The following SGK1 variants were observed in gnomAD, a reference collection of about 807,000 sequenced individuals.
SGK1 encodes serine/threonine-protein kinase Sgk1.
A neutral mutation model predicts 64.2 loss-of-function variants in SGK1; 26 were observed. That is an observed-to-expected ratio of 0.40 (90% CI 0.30 to 0.56). The LOEUF (loss-of-function observed/expected upper bound fraction) is 0.56. Ranked by LOEUF, SGK1 falls within the 20% of genes least tolerant of loss-of-function variation. SGK1 has a pLI of 0.38. For synonymous variants in SGK1, 265 were observed against 239.7 expected (o/e 1.11, Z -0.98); for missense variants, 519 against 645.6 (o/e 0.80, Z 2.12).
At chr6:134,239,922 T>C (rs1182750011) in intron 2 of SGK1, among the ~76,000 whole-genome samples, 1 of 151,940 alleles carries the variant, frequency 6.6e-6, no homozygotes, top group African/African-American at 2.4e-5. Flanking sequence ...AGAGAAATGA[T>C]TGAAGGTCAT....
chr6:134,201,065 CT>C (rs71003673), intron 3 of SGK1, among the ~76,000 whole-genome samples: 66 of 138,558 alleles, frequency 4.8e-4, no homozygotes, highest in Admixed American at 8.0e-4. Context: ...TTCTTTTCTT[CT>C]TTTTTTTTTT....
In SGK1 at chr6:134,207,378, G is replaced by C; in HGVS notation, c.339C>G (p.Thr113=). The C allele has an allele frequency of 2.5e-6, 4 of 1,610,206 alleles. No homozygotes were observed. The highest frequency in any genetic ancestry group is 3.4e-6 in the Non-Finnish European group (4 of 1,176,546). ...ANILTKPDPR[T]FWTNDDPAFM... ...TACCTGGATCATCATTAGTCCAGAA[G>C]GTTCTTGGATCGGGCTTGGTCAGGA... Residue 113 remains threonine, a synonymous_variant, in exon 3 of 14, where the codon ACC becomes ACG. Transcript: ENST00000367858.
chr6:134,311,208 G>A (rs1175830741), intron 1 of SGK1, among the ~76,000 whole-genome samples: 2 of 152,326 alleles, frequency 1.3e-5, no homozygotes, highest in East Asian at 1.9e-4. Flanking sequence ...AAAGGAAGAC[G>A]GAGGAGGAAG....
At chr6:134,204,221 A>AAAAT (rs146311627) in intron 3 of SGK1, among the ~76,000 whole-genome samples, 2,879 of 139,084 alleles carry the variant, frequency 0.021, 30 homozygotes, top group Middle Eastern at 0.036. Flanking sequence ...AACTAGGCAA[A>AAAAT]AAATAAATAA....
In SGK1 at chr6:134,172,065, AT is replaced by A. The variant is rs1235118912; in HGVS notation, c.1071+127del. The A allele has an allele frequency of 5.8e-6, 6 of 1,036,326 alleles. No individual in the cohort carries two copies. In the African/African-American group the frequency reaches 8.0e-5, roughly 14 times the overall value. The allele number at this position is 1,036,326 out of a possible 1,614,324, so 64.2% of individuals were successfully genotyped here. A position where few individuals can be genotyped will look rare whatever the true frequency, so the allele number is the denominator to read the frequency against. On this transcript the variant is annotated intron_variant, in intron 10 of 13. Coordinates refer to ENST00000367858, the MANE Select transcript of SGK1 (RefSeq NM_001143676.3). Reference sequence around the variant, plus strand: ...CTACATCAAACAGCAAATGTATTTTATTTGCACTGAACTGTATTAAGAAGTC... The same window carrying A: ...CTACATCAAACAGCAAATGTATTTTATTGCACTGAACTGTATTAAGAAGTC...
intron 3 of SGK1, among the ~76,000 whole-genome samples, chr6:134,180,851 A>G (rs1002822840): frequency 6.8e-6 from 1 of 147,860 alleles, no homozygotes; most frequent in African/African-American, 2.6e-5. Context: ...TCGCCGGGGC[A>G]ACAAAGTGAG....
chr6:134,255,574 ATTTTTT>A (rs11318242), intron 2 of SGK1, among the ~76,000 whole-genome samples: 2 of 78,846 alleles, frequency 2.5e-5, no homozygotes, highest in East Asian at 3.9e-4. Context: ...AGAGATTTTG[ATTTTTT>A]TTTTTTTTTT....
intron 3 of SGK1, among the ~76,000 whole-genome samples, chr6:134,185,980 G>A (rs1405821944): frequency 6.6e-6 from 1 of 152,106 alleles, no homozygotes; most frequent in Non-Finnish European, 1.5e-5. Context: ...CCCCGCATTA[G>A]TGGGGGCGGG....
At chr6:134,316,410 T>TG (rs1384219887) in intron 1 of SGK1, among the ~76,000 whole-genome samples, 1 of 152,036 alleles carries the variant, frequency 6.6e-6, no homozygotes, top group South Asian at 2.1e-4. Flanking sequence ...TTAAATAGGA[T>TG]GGGGCAACTG....
rs886422668 is a variant in SGK1, at chr6:134,289,505, A to C, written c.70-27357T>G. Among the ~76,000 whole-genome samples, 5 of 152,368 alleles carry C rather than the reference A, an allele frequency of 3.3e-5. No homozygotes were observed. The South Asian group carries it at 1.0e-3, about 32-fold the overall frequency. On this transcript the variant is annotated intron_variant, in intron 1 of 13. Coordinates refer to ENST00000367858, the MANE Select transcript of SGK1 (RefSeq NM_001143676.3). ...GTGAAGTAAAAAGAAACATGAAATT[A>C]ATTTCAAACATATACTTTATTTAAC... is the stretch of plus-strand genomic sequence containing the variant.
Position 134,174,016 on chromosome 6 carries a change from G to C in SGK1, c.502C>G (p.Pro168Ala). 1.2e-6 allele frequency: 2 copies of C among 1,612,600 alleles called. No homozygotes were observed. Among genetic ancestry groups the C allele is most frequent in the Non-Finnish European group, 1.7e-6 (2 of 1,179,134 alleles). Residue 168 changes from proline to alanine, a missense_variant, in exon 5 of 14, where the codon CCT (proline) becomes GCT (alanine). By Grantham distance (27) the Pro-to-Ala change is conservative. Coordinates refer to ENST00000367858, the MANE Select transcript of SGK1 (RefSeq NM_001143676.3). Reference sequence around the variant, plus strand: ...ATACAAAAACTTACTGGAGGAGAAGGGTTGGCATTCATAAGCTCAGGCTCC... The same window carrying C: ...ATACAAAAACTTACTGGAGGAGAAGCGTTGGCATTCATAAGCTCAGGCTCC... ...PQEPELMNAN[P>A]SPPPSPSQQI...
rs1392202076 is a variant in SGK1 at position 134,301,523 on chromosome 6, TTTCTCTTTTCTTCTCTTCTCTTCTC to T, written c.69+15844_69+15868del. On this transcript the variant is annotated intron_variant, in intron 1 of 13. Transcript: ENST00000367858. ...AGGACCACCTTTTCTTCTCTTCTCT[TTTCTCTTTTCTTCTCTTCTCTTCTC>T]TTCTCTTCTCTTCTCTTCTCTTCTC... Among the ~76,000 whole-genome samples the T allele has an allele frequency of 6.7e-3, 915 of 136,902 alleles. 7 individuals are homozygous for T. Among genetic ancestry groups the T allele is most frequent in the Non-Finnish European group, 0.011 (719 of 64,674 alleles). 89.8% of individuals were successfully genotyped at this position (136,902 alleles called of 152,430 possible).
intron 2 of SGK1, among the ~76,000 whole-genome samples, chr6:134,235,609 T>C (rs1776351158): frequency 6.6e-6 from 1 of 151,782 alleles, no homozygotes; most frequent in Non-Finnish European, 1.5e-5. Context: ...TTCCCTCCTG[T>C]TGCCCAGGCT....
chr6:134,238,501 A>C (rs1328869110), intron 2 of SGK1, among the ~76,000 whole-genome samples: 1 of 152,216 alleles, frequency 6.6e-6, no homozygotes, highest in Admixed American at 6.5e-5. Context: ...AGTAGGGGCT[A>C]AAGTCTAATG....
At chr6:134,217,479 G>C (rs1203540703) in intron 2 of SGK1, among the ~76,000 whole-genome samples, 2 of 152,128 alleles carry the variant, frequency 1.3e-5, no homozygotes, top group Non-Finnish European at 2.9e-5. Flanking sequence ...TGGGTGGTGG[G>C]CTTCACTCAC....
At chr6:134,189,059 T>TA (rs1439899069) in intron 3 of SGK1, among the ~76,000 whole-genome samples, 1 of 152,018 alleles carries the variant, frequency 6.6e-6, no homozygotes. Context: ...AATTTTTTTT[T>TA]ACAGACACTT....
At chr6:134,230,664 A>G (rs1037421790) in intron 2 of SGK1, among the ~76,000 whole-genome samples, 5 of 152,276 alleles carry the variant, frequency 3.3e-5, no homozygotes, top group South Asian at 4.1e-4. Flanking sequence ...GGAGGAGATT[A>G]GGCTTTCTGT....
chr6:134,272,526 A>T (rs1456474962), intron 1 of SGK1, among the ~76,000 whole-genome samples: 2 of 146,314 alleles, frequency 1.4e-5, no homozygotes, highest in Admixed American at 1.4e-4. Context: ...CATATTAAAC[A>T]CCTTGTTCTT....
At chr6:134,176,369 G>C (rs1055547165) in intron 3 of SGK1, among the ~76,000 whole-genome samples, 2 of 152,238 alleles carry the variant, frequency 1.3e-5, no homozygotes, top group Non-Finnish European at 2.9e-5. Flanking sequence ...GGGTGACTCC[G>C]CTGCAGAAGG....
Sources: gnomAD v4.1 joint callset for allele counts (sites outside exome capture counted in the v4.1 genomes callset) on GRCh38, gnomAD v4.1.1 for gene constraint, MANE v1.5 for transcripts, NCBI Gene and HGNC (gene_info 2026-07-23, HGNC 2026-07-21) for gene names.